DPP10: variants seen among roughly 807,000 people sequenced by gnomAD.
DPP10 encodes the protein inactive dipeptidyl peptidase 10.
DPP10 carries 33 observed loss-of-function variants against 120.9 expected under a neutral mutation model. The ratio of observed to expected loss-of-function variants is 0.27; its 90% CI spans 0.21 to 0.37. The LOEUF (loss-of-function observed/expected upper bound fraction) is 0.37. DPP10 is among the 10% of genes least tolerant of loss of function. The pLI is 1.00. For missense variants in DPP10, 816 were observed against 942.8 expected (o/e 0.87, Z 1.76); for synonymous variants, 337 against 326.1 (o/e 1.03, Z -0.36).
intron 1 of DPP10, among the ~76,000 whole-genome samples, chr2:115,127,443 C>T (rs2050135018): frequency 6.6e-6 from 1 of 152,192 alleles, no homozygotes; most frequent in African/African-American, 2.4e-5. Context: ...TCAGCCCCAA[C>T]CCCACCTCTG....
At chr2:115,453,255 A>T (rs879688561) in intron 3 of DPP10, among the ~76,000 whole-genome samples, 3 of 151,440 alleles carry the variant, frequency 2.0e-5, no homozygotes, top group Non-Finnish European at 4.4e-5. Flanking sequence ...TTACATTTTT[A>T]AATATTGATT....
intron 8 of DPP10, among the ~76,000 whole-genome samples, chr2:115,732,640 G>T (rs943607041): frequency 7.9e-5 from 12 of 151,966 alleles, no homozygotes; most frequent in African/African-American, 2.9e-4. Flanking sequence ...TTACTAAAAA[G>T]AAAGTTTACA....
chr2:114,950,389 G>T (rs190268495), intron 1 of DPP10, among the ~76,000 whole-genome samples: 2,277 of 149,930 alleles, frequency 0.015, 60 homozygotes, highest in African/African-American at 0.053. Context: ...CCGCCTCCTG[G>T]GTTCATGCCA....
At chr2:115,474,983 T>G (rs1462225639) in intron 3 of DPP10, among the ~76,000 whole-genome samples, 2 of 151,662 alleles carry the variant, frequency 1.3e-5, no homozygotes, top group Non-Finnish European at 2.9e-5. Flanking sequence ...CTCACTCTGC[T>G]CCAGCTCCAG....
intron 1 of DPP10, among the ~76,000 whole-genome samples, chr2:114,950,097 C>T (rs1198623237): frequency 6.6e-6 from 1 of 152,042 alleles, no homozygotes; most frequent in Non-Finnish European, 1.5e-5. Flanking sequence ...TTGATAACTT[C>T]TTGTGTTTAA....
intron 1 of DPP10, among the ~76,000 whole-genome samples, chr2:115,277,209 G>T (rs1031500723): frequency 2.0e-5 from 3 of 152,086 alleles, no homozygotes; most frequent in African/African-American, 4.8e-5. Flanking sequence ...AATAAGCAAT[G>T]CATTCTCAGT....
At chr2:115,732,307 T>G (rs1478645937) in intron 8 of DPP10, among the ~76,000 whole-genome samples, 2 of 152,208 alleles carry the variant, frequency 1.3e-5, no homozygotes, top group Admixed American at 1.3e-4. Context: ...TGTCTTAATC[T>G]TTTAAGACCA....
At chr2:115,140,183 A>G (rs773731337) in intron 1 of DPP10, among the ~76,000 whole-genome samples, 1 of 152,244 alleles carries the variant, frequency 6.6e-6, no homozygotes, top group Non-Finnish European at 1.5e-5. Flanking sequence ...CAAGGATGCT[A>G]TTTTAGAGAA....
Position 114,629,479 on chromosome 2 carries a change from G to T in DPP10, c.60+186641G>T, listed in dbSNP as rs72953560. ...TTAACAAATAAAGTGGACTTGGGTC[G>T]TTAACGGGTAATGTATAAGAAAATT... is the stretch of plus-strand genomic sequence containing the variant. On this transcript the variant is annotated intron_variant, in intron 1 of 25. Coordinates refer to ENST00000410059, the MANE Select transcript of DPP10 (RefSeq NM_020868.6). Among the ~76,000 whole-genome samples, 24 of 152,184 alleles carry T rather than the reference G, an allele frequency of 1.6e-4. No homozygotes were observed. In the South Asian group the frequency reaches 5.0e-3, roughly 32 times the overall value.
At chr2:114,882,073 G>C (rs1253755147) in intron 1 of DPP10, among the ~76,000 whole-genome samples, 1 of 149,156 alleles carries the variant, frequency 6.7e-6, no homozygotes, top group Non-Finnish European at 1.5e-5. Context: ...AAAAGACTTG[G>C]AGTCATTTAT....
At chr2:115,547,920 T>C (rs1050228313) in intron 5 of DPP10, among the ~76,000 whole-genome samples, 1 of 152,168 alleles carries the variant, frequency 6.6e-6, no homozygotes, top group Non-Finnish European at 1.5e-5. Context: ...ATCGATTTTG[T>C]TTGTGTTTAG....
At chr2:114,471,184 T>C (rs1448373707) in intron 1 of DPP10, among the ~76,000 whole-genome samples, 2 of 152,190 alleles carry the variant, frequency 1.3e-5, no homozygotes, top group Admixed American at 6.5e-5. Flanking sequence ...ACTTAATAAG[T>C]AATAAAAATA....
intron 1 of DPP10, among the ~76,000 whole-genome samples, chr2:114,930,137 C>A (rs1248299673): frequency 2.0e-5 from 3 of 152,130 alleles, no homozygotes; most frequent in Non-Finnish European, 4.4e-5. Context: ...GCCTTTTTGA[C>A]CTTTTTTTCT....
chr2:115,384,611 GTGA>G (rs1356429193), intron 3 of DPP10, among the ~76,000 whole-genome samples: 6 of 139,380 alleles, frequency 4.3e-5, no homozygotes, highest in African/African-American at 1.6e-4. Flanking sequence ...GGAAGAAGAA[GTGA>G]AGGAAGAAGA....
At chr2:114,604,019 T>C (rs1692587247) in intron 1 of DPP10, among the ~76,000 whole-genome samples, 1 of 151,990 alleles carries the variant, frequency 6.6e-6, no homozygotes, top group Non-Finnish European at 1.5e-5. Flanking sequence ...CCTAGAGTCA[T>C]CCTCCGGTGG....
intron 1 of DPP10, among the ~76,000 whole-genome samples, chr2:115,066,068 G>A (rs1349716112): frequency 6.6e-6 from 1 of 152,134 alleles, no homozygotes; most frequent in Non-Finnish European, 1.5e-5. Context: ...TCTAAATTGT[G>A]TGACTTGACA....
chr2:114,615,443 A>G (rs923810257), intron 1 of DPP10, among the ~76,000 whole-genome samples: 12 of 152,022 alleles, frequency 7.9e-5, no homozygotes, highest in African/African-American at 2.7e-4. Flanking sequence ...TTATTTCTAG[A>G]TCTCTGTCTC....
intron 1 of DPP10, among the ~76,000 whole-genome samples, chr2:115,146,588 GAA>G (rs532828488): frequency 7.2e-6 from 1 of 138,234 alleles, no homozygotes; most frequent in Admixed American, 7.2e-5. Context: ...GACAACAGGG[GAA>G]AAAAAAAAAA....
chr2:115,690,429 A>C (rs6733252), intron 7 of DPP10, among the ~76,000 whole-genome samples: 3 of 152,114 alleles, frequency 2.0e-5, no homozygotes, highest in East Asian at 3.9e-4. Context: ...ATGTATGTGC[A>C]TGTTTATTTT....
Sources: gnomAD v4.1 joint callset for allele counts (sites outside exome capture counted in the v4.1 genomes callset) on GRCh38, gnomAD v4.1.1 for gene constraint, MANE v1.5 for transcripts, NCBI Gene and HGNC (gene_info 2026-07-23, HGNC 2026-07-21) for gene names.